The following SLC9B1 variants were observed in gnomAD, a reference collection of about 807,000 sequenced individuals.
SLC9B1 encodes solute carrier family 9 member B1.
Under a neutral mutation model 51.7 loss-of-function variants are expected in SLC9B1, and 32 were observed. The observed-to-expected ratio is 0.62, with a 90% confidence interval of 0.47 to 0.83. The LOEUF is 0.83. Among genes scored for constraint, SLC9B1 ranks in the 40% least tolerant of loss-of-function variants. The pLI, the probability that SLC9B1 is intolerant of heterozygous loss-of-function variation, is 0.00. For missense variants in SLC9B1, 406 were observed against 613.2 expected (o/e 0.66, Z 3.57); for synonymous variants, 145 against 212.7 (o/e 0.68, Z 2.77).
intron 3 of SLC9B1, chr4:102,963,069 G>T (rs1170567332): frequency 2.3e-6 from 1 of 432,990 alleles, no homozygotes; most frequent in Non-Finnish European, 4.7e-6. Flanking sequence ...TCGGGGATTT[G>T]AACCTCAACT....
chr4:102,937,451 G>A (rs1043062134), intron 6 of SLC9B1, among the ~76,000 whole-genome samples: 2 of 147,868 alleles, frequency 1.4e-5, no homozygotes, highest in Non-Finnish European at 3.0e-5. Flanking sequence ...ACTTGGCTGG[G>A]TGTGGTGGCT....
intron 11 of SLC9B1, among the ~76,000 whole-genome samples, chr4:102,893,299 A>G (rs938610911): frequency 6.8e-6 from 1 of 147,930 alleles, no homozygotes; most frequent in Non-Finnish European, 1.5e-5. Flanking sequence ...AAAAAAAAAA[A>G]AAAAAAGAAA....
At chr4:102,902,082 T>C (rs1348463178) in intron 11 of SLC9B1, among the ~76,000 whole-genome samples, 1 of 152,160 alleles carries the variant, frequency 6.6e-6, no homozygotes, top group African/African-American at 2.4e-5. Context: ...GAAGTTTTCG[T>C]TTTAGAATGA....
intron 3 of SLC9B1, chr4:102,961,864 A>C (rs908075083): frequency 3.6e-5 from 7 of 193,846 alleles, no homozygotes; most frequent in African/African-American, 7.1e-5. Context: ...AACACGCAGA[A>C]GACATGGTGT....
chr4:102,962,454 G>A (rs890827443), intron 3 of SLC9B1: 2 of 512,232 alleles, frequency 3.9e-6, no homozygotes, highest in African/African-American at 3.9e-5. Flanking sequence ...AAAATACAGA[G>A]CATTTTTGCA....
Position 102,940,235 on chromosome 4 carries a change from G to A in SLC9B1, c.653+4958C>T, listed in dbSNP as rs554610544. On this transcript the variant is annotated intron_variant, in intron 6 of 11. Coordinates refer to ENST00000296422, the MANE Select transcript of SLC9B1 (RefSeq NM_139173.4). ...ACATCCAAGCTGAAAGCCAAATCAA[G>A]AATGCAATCCCATTCACAATAGCCA... 7.2e-5 allele frequency among the ~76,000 whole-genome samples: 11 copies of A among 152,212 alleles called. No homozygotes were observed. In the South Asian group the frequency reaches 2.3e-3, roughly 32 times the overall value.
downstream of SLC9B1, among the ~76,000 whole-genome samples, chr4:102,896,027 C>A (rs1399630105): frequency 6.6e-6 from 1 of 152,164 alleles, no homozygotes; most frequent in Non-Finnish European, 1.5e-5. Flanking sequence ...GCATTTAGAG[C>A]CTGCCTGATT....
At chr4:103,005,057 C>T (rs1445999082) in intron 1 of SLC9B1, among the ~76,000 whole-genome samples, 1 of 151,966 alleles carries the variant, frequency 6.6e-6, no homozygotes, top group African/African-American at 2.4e-5. Flanking sequence ...CAGCTAGCAA[C>T]ATGATGACAG....
chr4:102,980,078 T>C (rs1006901315), intron 3 of SLC9B1, among the ~76,000 whole-genome samples: 2 of 152,144 alleles, frequency 1.3e-5, no homozygotes, highest in Non-Finnish European at 2.9e-5. Flanking sequence ...ATGGTGATTA[T>C]TAAAAAGTCA....
At chr4:102,945,425 C>T in intron 5 of SLC9B1, 105 bp from the exon 6 acceptor site, 1 of 1,264,094 alleles carries the variant, frequency 7.9e-7, no homozygotes, top group East Asian at 2.5e-5. Flanking sequence ...GAAGCTTTCA[C>T]TAAACGAAAT....
At chr4:102,885,858 T>A (rs148656889) in intron 11 of SLC9B1, among the ~76,000 whole-genome samples, 2 of 152,320 alleles carry the variant, frequency 1.3e-5, no homozygotes, top group East Asian at 3.9e-4. Context: ...ACATTACATA[T>A]CTTTGAGAAG....
intron 3 of SLC9B1, among the ~76,000 whole-genome samples, chr4:102,983,602 G>A (rs1413548147): frequency 2.0e-5 from 3 of 152,130 alleles, no homozygotes; most frequent in African/African-American, 7.2e-5. Flanking sequence ...CCTCTTCTGA[G>A]TTTTGGCAGA....
intron 1 of SLC9B1, among the ~76,000 whole-genome samples, chr4:103,004,113 T>C (rs928076350): frequency 6.6e-6 from 1 of 152,194 alleles, no homozygotes; most frequent in Non-Finnish European, 1.5e-5. Flanking sequence ...GACAGACATA[T>C]AATTCAGAAT....
intron 11 of SLC9B1, among the ~76,000 whole-genome samples, chr4:102,904,297 T>C (rs1015296973): frequency 3.3e-5 from 5 of 151,968 alleles, no homozygotes; most frequent in Admixed American, 2.0e-4. Context: ...TGAGCTCAAG[T>C]GATCTGCCTG....
chr4:102,980,904 A>G (rs548251315), intron 3 of SLC9B1, among the ~76,000 whole-genome samples: 1 of 152,266 alleles, frequency 6.6e-6, no homozygotes, highest in East Asian at 1.9e-4. Flanking sequence ...TGTATGTTCT[A>G]TGGCTTTTAA....
intron 9 of SLC9B1, among the ~76,000 whole-genome samples, chr4:102,907,782 C>T (rs13147582): frequency 8.1e-5 from 12 of 148,138 alleles, no homozygotes; most frequent in South Asian, 2.2e-4. Context: ...TTTTCTGATC[C>T]CCACTTATTA....
rs1173405234 is a variant in SLC9B1, at chr4:102,945,256, C to G, written c.590G>C (p.Ser197Thr). The change falls in exon 6 of 12, where the codon AGT becomes ACT. Residue 197 changes from serine to threonine, a missense_variant. Physicochemically the swap from Ser to Thr is moderately conservative, Grantham distance 58. Transcript: ENST00000296422. ...GAAGTGTGAAAAAACAGCAGCTGCA[C>G]TTGCCTCCATAAGGCATGGACCTAC... ...LAVGPCLMEA[S>T]AAAVFSHFIM... is the part of the protein sequence containing the mutation. 3.7e-6 allele frequency: 6 copies of G among 1,609,528 alleles called. No individual in the cohort carries two copies. Among genetic ancestry groups the G allele is most frequent in the Non-Finnish European group, 5.1e-6 (6 of 1,176,806 alleles).
intron 1 of SLC9B1, among the ~76,000 whole-genome samples, chr4:103,014,043 T>C (rs1306073584): frequency 6.6e-6 from 1 of 152,178 alleles, no homozygotes; most frequent in African/African-American, 2.4e-5. Flanking sequence ...TTAATATTCC[T>C]CAATGACTTC....
chr4:102,929,606 T>C lies in SLC9B1; in HGVS notation c.829+2518A>G, dbSNP rs546706506. Among the ~76,000 whole-genome samples, 41 of 152,348 alleles carry C rather than the reference T, an allele frequency of 2.7e-4. 1 individual carries two copies. Among genetic ancestry groups the C allele is most frequent in the Admixed American group, 2.3e-3 (35 of 15,302 alleles). On this transcript the variant is annotated intron_variant, in intron 7 of 11. Coordinates refer to ENST00000296422, the MANE Select transcript of SLC9B1 (RefSeq NM_139173.4). ...TGTGATCTTGGCTCACTGCAACCTC[T>C]GCCTCTTGGGTTCAAGCAATTCTTG...
Sources: allele counts gnomAD v4.1 joint callset (sites outside exome capture counted in the v4.1 genomes callset), GRCh38; gene constraint gnomAD v4.1.1; transcripts MANE v1.5; gene names NCBI Gene and HGNC (gene_info 2026-07-23, HGNC 2026-07-21).